Variants in REPS2 observed in about 807,000 individuals in gnomAD.
REPS2 encodes the protein ralBP1-associated Eps domain-containing protein 2.
A neutral mutation model predicts 53.6 loss-of-function variants in REPS2; 23 were observed. That is an observed-to-expected ratio of 0.43 (90% CI 0.31 to 0.61). The LOEUF (loss-of-function observed/expected upper bound fraction) is 0.61. Among genes scored for constraint, REPS2 ranks in the 20% least tolerant of loss-of-function variants. The pLI is 0.11. For synonymous variants in REPS2, 238 were observed against 218.6 expected (o/e 1.09, Z -0.78); for missense variants, 446 against 534.9 (o/e 0.83, Z 1.64).
Position 16,955,009 on chromosome X carries a change from C to T in REPS2, c.273+7875C>T, listed in dbSNP as rs977609661. Among the ~76,000 whole-genome samples the T allele has an allele frequency of 9.2e-5, 10 of 108,881 alleles. No homozygotes were observed. In the South Asian group the frequency reaches 1.2e-3, roughly 13 times the overall value. 94.6% of individuals were successfully genotyped at this position (108,881 alleles called of 115,157 possible). A position where few individuals can be genotyped will look rare whatever the true frequency, so the allele number is the denominator to read the frequency against. Reference sequence around the variant, plus strand: ...ATATTTTTTAGTAGAGATGGGGTTTCGCCATGTTGACTAGGCTGGTCTTGA... The same window carrying T: ...ATATTTTTTAGTAGAGATGGGGTTTTGCCATGTTGACTAGGCTGGTCTTGA... On this transcript the variant is annotated intron_variant, in intron 1 of 17. Coordinates refer to ENST00000357277, the MANE Select transcript of REPS2 (RefSeq NM_004726.3).
At chrX:16,969,498 C>T (rs776311065) in intron 1 of REPS2, among the ~76,000 whole-genome samples, 113 of 104,140 alleles carry the variant, frequency 1.1e-3, no homozygotes, top group East Asian at 7.9e-3. Context: ...CCGAGGCTGG[C>T]GGATCACTCC....
chrX:17,020,063 G>A (rs1018909072), intron 2 of REPS2, among the ~76,000 whole-genome samples: 2 of 111,852 alleles, frequency 1.8e-5, no homozygotes, highest in African/African-American at 3.3e-5. Context: ...GTGGCTGTCT[G>A]GGGGAGAGAG....
At chrX:17,056,197 C>G (rs1056065311) in intron 8 of REPS2, among the ~76,000 whole-genome samples, 1 of 111,676 alleles carries the variant, frequency 9.0e-6, no homozygotes, top group Non-Finnish European at 1.9e-5. Flanking sequence ...TCTATACCCT[C>G]TGGATGGATT....
intron 8 of REPS2, among the ~76,000 whole-genome samples, chrX:17,060,184 C>T (rs1303226876): frequency 1.8e-5 from 2 of 109,922 alleles, no homozygotes; most frequent in Non-Finnish European, 3.8e-5. Flanking sequence ...CACCTGTGGT[C>T]CCCAGCTACT....
At chrX:17,092,445 A>T (rs771902929) in intron 13 of REPS2, among the ~76,000 whole-genome samples, 20 of 111,197 alleles carry the variant, frequency 1.8e-4, no homozygotes, top group Non-Finnish European at 2.8e-4. Context: ...TGTCTTCTGA[A>T]TTTAGGATTA....
the REPS2 span, among the ~76,000 whole-genome samples, chrX:17,181,607 A>G: frequency 8.9e-6 from 1 of 112,397 alleles, no homozygotes; most frequent in Non-Finnish European, 1.9e-5. Context: ...AACAGTGCAC[A>G]GCTGAATCCA....
chrX:16,954,573 C>T (rs903065008), intron 1 of REPS2, among the ~76,000 whole-genome samples: 1 of 110,994 alleles, frequency 9.0e-6, no homozygotes, highest in Non-Finnish European at 1.9e-5. Context: ...GATGATGGTT[C>T]AATACTGTCA....
intron 1 of REPS2, among the ~76,000 whole-genome samples, chrX:16,956,284 GTTTTTTTTTTTTTTTTTTTTTTT>G (rs869259012): frequency 4.0e-5 from 1 of 24,747 alleles, no homozygotes. Flanking sequence ...AACCACAGCA[GTTTTTTTTTTTTTTTTTTTTTTT>G]TTTTTTTTTT....
intron 1 of REPS2, among the ~76,000 whole-genome samples, chrX:16,990,613 A>G (rs1354476429): frequency 2.0e-5 from 2 of 98,846 alleles, no homozygotes; most frequent in African/African-American, 7.5e-5. Flanking sequence ...CTGTCTTAGG[A>G]AAAAAAAAAA....
At chrX:17,050,615 A>G (rs2061989276) in intron 6 of REPS2, among the ~76,000 whole-genome samples, 2 of 111,473 alleles carry the variant, frequency 1.8e-5, no homozygotes, top group South Asian at 3.7e-4. Flanking sequence ...CTCATGATGC[A>G]TTTCTCAGAA....
chrX:17,087,924 CGATAGATAGATAGATA>C (rs35140640), intron 13 of REPS2, among the ~76,000 whole-genome samples: 25,990 of 91,060 alleles, frequency 0.29, 3,251 homozygotes, highest in East Asian at 0.53. Flanking sequence ...GAGACTCTGT[CGATAGATAGATAGATA>C]GATAGATAGA....
downstream of REPS2, among the ~76,000 whole-genome samples, chrX:17,156,025 T>C (rs748701519): frequency 1.5e-4 from 17 of 112,029 alleles, no homozygotes; most frequent in Non-Finnish European, 2.4e-4. Flanking sequence ...TAAACACTTT[T>C]GAAAAATTAC....
At chrX:17,186,947 G>A in the REPS2 span, among the ~76,000 whole-genome samples, 1 of 110,388 alleles carries the variant, frequency 9.1e-6, no homozygotes, top group South Asian at 3.9e-4. Context: ...GGAGGAGGGT[G>A]AGGGATAAAA....
rs759264801 is a variant in REPS2 at position 17,138,897 on chromosome X, G to A, written c.1850G>A (p.Arg617His). The A allele has an allele frequency of 1.7e-6, 2 of 1,205,118 alleles. No individual in the cohort carries two copies. Among genetic ancestry groups the A allele is most frequent in the Non-Finnish European group, 2.2e-6 (2 of 892,591 alleles). ...KQKKAIQTAI[R>H]KNKEANAVLA... ...AAGAAGGCCATTCAAACTGCTATCC[G>A]CAAAAATAAAGAGGCAAACGCAGTG... Residue 617 changes from arginine to histidine, a missense_variant, in exon 17 of 18, where the codon CGC becomes CAC. Arg to His is a conservative substitution (Grantham distance 29). Transcript: ENST00000357277.
intron 17 of REPS2, among the ~76,000 whole-genome samples, chrX:17,146,392 T>C (rs765761282): frequency 4.5e-5 from 5 of 111,361 alleles, no homozygotes; most frequent in Non-Finnish European, 9.4e-5. Flanking sequence ...CCTCATTTCA[T>C]TCAAGTCTTT....
intron 4 of REPS2, among the ~76,000 whole-genome samples, chrX:17,026,010 G>A (rs1309751211): frequency 2.7e-5 from 3 of 111,864 alleles, no homozygotes; most frequent in Non-Finnish European, 5.6e-5. Flanking sequence ...ATTAAAAATA[G>A]TGGTGACTTT....
chrX:16,964,030 A>G, intron 1 of REPS2, among the ~76,000 whole-genome samples: 1 of 108,524 alleles, frequency 9.2e-6, no homozygotes, highest in East Asian at 2.8e-4. Flanking sequence ...TAATTTTATT[A>G]TTATTATTAT....
intron 17 of REPS2, among the ~76,000 whole-genome samples, chrX:17,141,993 C>T (rs947605603): frequency 7.2e-5 from 8 of 111,789 alleles, no homozygotes; most frequent in African/African-American, 2.6e-4. Context: ...AATCACTTTA[C>T]TGTCAAGCTC....
At chrX:17,195,442 A>T in the REPS2 span, among the ~76,000 whole-genome samples, 13 of 112,057 alleles carry the variant, frequency 1.2e-4, no homozygotes, top group African/African-American at 3.6e-4. Flanking sequence ...TCTAATGGTA[A>T]AATGTTGAGC....
Sources: allele counts gnomAD v4.1 joint callset (sites outside exome capture counted in the v4.1 genomes callset), GRCh38; gene constraint gnomAD v4.1.1; transcripts MANE v1.5; gene names NCBI Gene and HGNC (gene_info 2026-07-23, HGNC 2026-07-21).